Variants in HEATR5A observed in about 807,000 individuals in gnomAD.
The protein encoded by HEATR5A is HEAT repeat containing 5A.
Under a neutral mutation model 218.8 loss-of-function variants are expected in HEATR5A, and 178 were observed. That is an observed-to-expected ratio of 0.81 (90% CI 0.72 to 0.92). HEATR5A has a LOEUF of 0.92. HEATR5A is among the 40% of genes least tolerant of loss of function. HEATR5A has a pLI of 0.00. For synonymous variants in HEATR5A, 864 were observed against 871.6 expected, an observed-to-expected ratio of 0.99 and a Z score of 0.15; for missense variants, 2,420 against 2,418.9, an observed-to-expected ratio of 1.00 and a Z score of -0.01.
At chr14:31,382,159 T>C (rs1199743242) in intron 10 of HEATR5A, among the ~76,000 whole-genome samples, 1 of 152,220 alleles carries the variant, frequency 6.6e-6, no homozygotes, top group African/African-American at 2.4e-5. Context: ...CTTGTCTGAA[T>C]TAATGAGATA....
chr14:31,357,934 C>T (rs4981093), intron 16 of HEATR5A, among the ~76,000 whole-genome samples: 119,922 of 152,100 alleles, frequency 0.79, 49,945 homozygotes, highest in Non-Finnish European at 0.93. Flanking sequence ...GGAATTGGGC[C>T]GCACAGCAGG....
intron 10 of HEATR5A, among the ~76,000 whole-genome samples, chr14:31,381,862 C>T (rs575225102): frequency 2.0e-5 from 3 of 152,292 alleles, no homozygotes; most frequent in African/African-American, 7.2e-5. Flanking sequence ...TGTATGCTTA[C>T]ACAGTACAAG....
In HEATR5A at chr14:31,295,940, A is replaced by C; in HGVS notation, c.5588T>G (p.Phe1863Cys). 6.2e-7 allele frequency: 1 copy of C among 1,613,736 alleles called. No individual in the cohort carries two copies. Among genetic ancestry groups the C allele is most frequent in the South Asian group, 1.1e-5 (1 of 91,054 alleles). The change falls in exon 34 of 36, where the codon TTT (phenylalanine) becomes TGT (cysteine). Residue 1863 changes from phenylalanine to cysteine, a missense_variant. Phe to Cys is a radical substitution (Grantham distance 205). Transcript: ENST00000543095. The part of the protein sequence containing the change: ...PCLQKRCIDK[F>C]KATLEIKDPV... ...ATCTTTTATCTCAAGAGTAGCTTTA[A>C]ATTTATCAATACAGCGCTTCTGAAG...
chr14:31,386,658 C>T (rs548735526), intron 8 of HEATR5A, 83 bp from the exon 9 acceptor site: 79 of 1,284,396 alleles, frequency 6.2e-5, no homozygotes, highest in Non-Finnish European at 7.1e-5. Flanking sequence ...AAAGGTATAA[C>T]GGCAAAAATT....
intron 5 of HEATR5A, among the ~76,000 whole-genome samples, chr14:31,394,546 A>T (rs2378859): frequency 0.99 from 150,823 of 152,136 alleles, 74,770 homozygotes; most frequent in Middle Eastern, 1. Flanking sequence ...CTGGGCACGG[A>T]GGCTCACACC....
intron 21 of HEATR5A, among the ~76,000 whole-genome samples, chr14:31,341,159 G>A (rs1055967631): frequency 1.3e-5 from 2 of 151,986 alleles, no homozygotes; most frequent in African/African-American, 4.8e-5. Flanking sequence ...CTATGATTGT[G>A]TATTAAAAAA....
chr14:31,325,407 A>G (rs184755750), intron 23 of HEATR5A, among the ~76,000 whole-genome samples: 12 of 152,250 alleles, frequency 7.9e-5, no homozygotes, highest in East Asian at 3.9e-4. Flanking sequence ...TCAAAATGTC[A>G]TAACTTTGTA....
At position 31,308,993 on chromosome 14, in the gene HEATR5A, G is replaced by T; in HGVS notation, c.4631C>A (p.Ser1544Tyr). Residue 1544 changes from serine (S) to tyrosine (Y), a missense_variant, in exon 29 of 36, where the codon TCT becomes TAT. Transcript: ENST00000543095. ...CTCAGGGGACTTTATGGTAGCCCCAGATGATGAACCCTGACACATGGAAGT... is the reference window on the plus strand; with the variant it reads ...CTCAGGGGACTTTATGGTAGCCCCATATGATGAACCCTGACACATGGAAGT... ...TPTSMCQGSS[S>Y]GATIKSPEDV... 2.5e-6 allele frequency: 4 copies of T among 1,613,808 alleles called. No homozygotes were observed. Among genetic ancestry groups the T allele is most frequent in the Non-Finnish European group, 3.4e-6 (4 of 1,179,760 alleles).
intron 13 of HEATR5A, among the ~76,000 whole-genome samples, chr14:31,370,577 C>A (rs547329744): frequency 1.3e-5 from 2 of 152,126 alleles, no homozygotes; most frequent in African/African-American, 4.8e-5. Flanking sequence ...TTTAGCATAG[C>A]AATTTCACTA....
chr14:31,369,626 A>C (rs1199247689), intron 13 of HEATR5A, among the ~76,000 whole-genome samples: 8 of 148,046 alleles, frequency 5.4e-5, no homozygotes, highest in African/African-American at 1.5e-4. Flanking sequence ...AAAAAAAAAA[A>C]AAAAAAAAAA....
At chr14:31,405,324 A>T (rs1484420524) in intron 1 of HEATR5A, among the ~76,000 whole-genome samples, 1 of 151,980 alleles carries the variant, frequency 6.6e-6, no homozygotes, top group Non-Finnish European at 1.5e-5. Flanking sequence ...GTCCCAGCTG[A>T]TTGGGAGGTT....
chr14:31,369,131 T>A (rs78264881), intron 13 of HEATR5A, among the ~76,000 whole-genome samples: 1,749 of 151,954 alleles, frequency 0.012, 19 homozygotes, highest in African/African-American at 0.035. Context: ...GCCCTGTGTC[T>A]ACAAAAAAGT....
chr14:31,383,462 G>A, intron 10 of HEATR5A, 59 bp downstream of exon 10: 1 of 1,502,602 alleles, frequency 6.7e-7, no homozygotes, highest in Non-Finnish European at 9.0e-7. Flanking sequence ...CTGTTACTAT[G>A]TGAAGATACT....
At chr14:31,399,272 T>C (rs1037369046) in intron 3 of HEATR5A, among the ~76,000 whole-genome samples, 19 of 152,198 alleles carry the variant, frequency 1.2e-4, no homozygotes, top group African/African-American at 4.8e-5. Flanking sequence ...TAGGTGAATA[T>C]GATTATACTT....
intron 13 of HEATR5A, among the ~76,000 whole-genome samples, chr14:31,370,742 C>A (rs1014720229): frequency 3.3e-5 from 5 of 152,046 alleles, no homozygotes; most frequent in African/African-American, 1.2e-4. Flanking sequence ...TATTATACAG[C>A]AACGAAAATG....
chr14:31,386,266 T>C (rs558095219), intron 9 of HEATR5A, among the ~76,000 whole-genome samples, 154 bp downstream of exon 9: 67 of 152,228 alleles, frequency 4.4e-4, no homozygotes, highest in Non-Finnish European at 7.6e-4. Flanking sequence ...CTAAACAATA[T>C]ACATCTTTTT....
chr14:31,392,161 C>T (rs1229435981), intron 6 of HEATR5A, among the ~76,000 whole-genome samples: 1 of 152,150 alleles, frequency 6.6e-6, no homozygotes, highest in Non-Finnish European at 1.5e-5. Context: ...ACATCCTGTT[C>T]AATGCATAAC....
intron 30 of HEATR5A, 49 bp from the exon 31 acceptor site, chr14:31,306,928 CT>C: frequency 2.8e-6 from 4 of 1,428,912 alleles, no homozygotes; most frequent in Non-Finnish European, 3.8e-6. Context: ...TTATACATTT[CT>C]TTTGTAAAAA....
chr14:31,354,330 T>C (rs1453851943), intron 16 of HEATR5A, among the ~76,000 whole-genome samples: 2 of 152,232 alleles, frequency 1.3e-5, no homozygotes, highest in African/African-American at 4.8e-5. Context: ...TTTGTTGCAC[T>C]GTACTATAAG....
Sources: allele counts gnomAD v4.1 joint callset (sites outside exome capture counted in the v4.1 genomes callset), GRCh38; gene constraint gnomAD v4.1.1; transcripts MANE v1.5; gene names NCBI Gene and HGNC (gene_info 2026-07-23, HGNC 2026-07-21).